CTDP1: variants seen among roughly 807,000 people sequenced by gnomAD.
CTDP1 encodes the protein CTD phosphatase 1, also known as RNA polymerase II subunit A C-terminal domain phosphatase.
In CTDP1, 47 loss-of-function variants were observed where a neutral mutation model predicts 91.8. The observed-to-expected ratio is 0.51, with a 90% CI of 0.41 to 0.65. The LOEUF (loss-of-function observed/expected upper bound fraction) is 0.65. Among genes scored for constraint, CTDP1 ranks in the 30% least tolerant of loss-of-function variants. The pLI is 0.00. For missense variants in CTDP1, 1,272 were observed against 1,373.7 expected, an observed-to-expected ratio of 0.93 and a Z score of 1.17; for synonymous variants, 656 against 598.5, an observed-to-expected ratio of 1.10 and a Z score of -1.40.
chr18:79,751,675 A>G (rs748392365), intron 12 of CTDP1, among the ~76,000 whole-genome samples: 1 of 152,176 alleles, frequency 6.6e-6, no homozygotes, highest in Non-Finnish European at 1.5e-5. Context: ...CCTCGAGTGC[A>G]TGTGTGTTAC....
In CTDP1 at chr18:79,679,933, C is replaced by T. The variant is rs768356718; in HGVS notation, c.-15C>T. 5 of 1,383,202 alleles carry T rather than the reference C, an allele frequency of 3.6e-6. No individual in the cohort carries two copies. The highest frequency in any genetic ancestry group is 1.4e-5 in the South Asian group (1 of 69,304). The allele number at this position is 1,383,202 out of a possible 1,614,324, so 85.7% of individuals were successfully genotyped here. A position where few individuals can be genotyped will look rare whatever the true frequency, so the allele number is the denominator to read the frequency against. On this transcript the variant is annotated 5_prime_UTR_variant, in exon 1 of 13. Transcript: ENST00000613122. ...GCAGGCCCCGTACCGACCGCCCGCC[C>T]GCCCTCTGTCCGCGATGGAGGTGCC...
intron 4 of CTDP1, 43 bp from the exon 5 acceptor site, chr18:79,704,724 T>G: frequency 6.2e-7 from 1 of 1,610,874 alleles, no homozygotes; most frequent in Non-Finnish European, 8.5e-7. Context: ...CGGCCGGGGC[T>G]CCTCAGGCCT....
Position 79,753,794 on chromosome 18 carries a change from C to T in CTDP1, c.*4C>T, listed in dbSNP as rs1019903569. The T allele has an allele frequency of 3.7e-6, 6 of 1,612,170 alleles. No individual in the cohort carries two copies. Among genetic ancestry groups the T allele is most frequent in the Admixed American group, 1.7e-5 (1 of 59,950 alleles). On this transcript the variant is annotated 3_prime_UTR_variant, in exon 13 of 13. Coordinates refer to ENST00000613122, the MANE Select transcript of CTDP1 (RefSeq NM_004715.5). Reference sequence around the variant, plus strand: ...GGAGCTCAACGACCTCATGTGAGCGCGGGCAGCGGGCAGGGACTGAAGCCT... The same window carrying T: ...GGAGCTCAACGACCTCATGTGAGCGTGGGCAGCGGGCAGGGACTGAAGCCT...
chr18:79,749,319 G>GGCCCGT (rs1394172990), intron 12 of CTDP1, among the ~76,000 whole-genome samples: 4 of 151,848 alleles, frequency 2.6e-5, no homozygotes, highest in African/African-American at 9.7e-5. Flanking sequence ...TTTCGGTCGG[G>GGCCCGT]GCCCCTGCCC....
intron 3 of CTDP1, among the ~76,000 whole-genome samples, chr18:79,696,500 G>T (rs2085750323): frequency 6.6e-6 from 1 of 152,118 alleles, no homozygotes; most frequent in African/African-American, 2.4e-5. Flanking sequence ...GCAGATAATG[G>T]CGAGGAGTCG....
intron 3 of CTDP1, among the ~76,000 whole-genome samples, chr18:79,696,995 T>C (rs2085761706): frequency 6.6e-6 from 1 of 152,256 alleles, no homozygotes; most frequent in South Asian, 2.1e-4. Flanking sequence ...TTTTAAATGA[T>C]GGACACCAAT....
chr18:79,739,732 G>A (rs887148668), intron 12 of CTDP1, among the ~76,000 whole-genome samples: 3 of 152,198 alleles, frequency 2.0e-5, no homozygotes, highest in Non-Finnish European at 4.4e-5. Context: ...AAGTGTCCTG[G>A]GAGTCTGTTC....
intron 12 of CTDP1, among the ~76,000 whole-genome samples, chr18:79,748,416 G>A (rs2086923148): frequency 6.6e-6 from 1 of 152,198 alleles, no homozygotes; most frequent in African/African-American, 2.4e-5. Flanking sequence ...GCCCCAGCCC[G>A]GGCTCTGTGA....
rs199774811 is a variant in CTDP1, at chr18:79,717,521, C to T, written c.2069-14C>T. 256 of 1,612,082 alleles carry T rather than the reference C, an allele frequency of 1.6e-4. No homozygotes were observed. The African/African-American group carries it at 2.9e-3, about 19-fold the overall frequency. On this transcript the variant is annotated splice_polypyrimidine_tract_variant and intron_variant, in intron 8 of 12. Coordinates refer to ENST00000613122, the MANE Select transcript of CTDP1 (RefSeq NM_004715.5). The stretch of plus-strand genomic sequence containing the variant: ...GCTGGCCGGAACAGCCTGACGCAGC[C>T]GGGTCTCCTGCAGGCACAGAGAAGG...
In CTDP1 at chr18:79,705,620, G is replaced by A. The variant is rs559245791; in HGVS notation, c.772+703G>A. 4.3e-3 allele frequency among the ~76,000 whole-genome samples: 657 copies of A among 152,114 alleles called. 22 individuals carry two copies. The highest frequency in any genetic ancestry group is 0.04 in the Admixed American group (609 of 15,280). On this transcript the variant is annotated intron_variant, in intron 5 of 12. Transcript: ENST00000613122. ...CGACCGTCTGTCCCACGTGGACAAA[G>A]CGAGGGGGCTGCCACGGGACGGCGA... is the stretch of plus-strand genomic sequence containing the variant.
rs569637164 is a variant in CTDP1, at chr18:79,681,487, T to G, written c.314+1226T>G. 2.6e-5 allele frequency: 26 copies of G among 985,402 alleles called. No individual in the cohort carries two copies. In the South Asian group the frequency reaches 1.2e-3, roughly 46 times the overall value. 61.0% of individuals were successfully genotyped at this position (985,402 alleles called of 1,614,324 possible). ...TGAGGTTTCATTCTGTTCCTCTGATTGTACAGAAAGGGCTGCTTTGGCCTA... is the reference window on the plus strand; with the variant it reads ...TGAGGTTTCATTCTGTTCCTCTGATGGTACAGAAAGGGCTGCTTTGGCCTA... On this transcript the variant is annotated intron_variant, in intron 1 of 12. Coordinates refer to ENST00000613122, the MANE Select transcript of CTDP1 (RefSeq NM_004715.5).
rs145081465 is a variant in CTDP1, at chr18:79,751,773, C to CTG, written c.2748-1866_2748-1865dup. ...CGAGTGCATGTGTGTTATATGCCTG[C>CTG]TGTGTGTGTGTGTGGCTGTATCACA... On this transcript the variant is annotated intron_variant, in intron 12 of 12. Transcript: ENST00000613122. 2.7e-4 allele frequency among the ~76,000 whole-genome samples: 41 copies of CTG among 151,582 alleles called. No individual in the cohort carries two copies. The South Asian group carries it at 3.7e-3, about 14-fold the overall frequency.
intron 5 of CTDP1, among the ~76,000 whole-genome samples, chr18:79,707,198 A>G (rs2085984054): frequency 1.3e-5 from 2 of 152,006 alleles, no homozygotes; most frequent in African/African-American, 4.8e-5. Flanking sequence ...GCCGGGCTAC[A>G]CCCTTGCCAC....
chr18:79,696,750 A>G (rs2122500202), intron 3 of CTDP1, among the ~76,000 whole-genome samples: 1 of 152,280 alleles, frequency 6.6e-6, no homozygotes, highest in African/African-American at 2.4e-5. Context: ...TTTATCTTCG[A>G]GTGCTACGCC....
At chr18:79,720,524 ACCAC>A (rs2086322274) in intron 10 of CTDP1, among the ~76,000 whole-genome samples, 1 of 130,518 alleles carries the variant, frequency 7.7e-6, no homozygotes, top group Non-Finnish European at 1.6e-5. Flanking sequence ...TGATGATGTC[ACCAC>A]CCGTCATTAG....
At chr18:79,733,179 G>A (rs561538011) in intron 11 of CTDP1, among the ~76,000 whole-genome samples, 1 of 152,256 alleles carries the variant, frequency 6.6e-6, no homozygotes, top group Non-Finnish European at 1.5e-5. Flanking sequence ...CACAGGACGG[G>A]TGTGCGTTTG....
intron 12 of CTDP1, among the ~76,000 whole-genome samples, chr18:79,748,886 CTGTGTGTTTGCCG>C (rs2086936142): frequency 6.6e-6 from 1 of 151,380 alleles, no homozygotes; most frequent in Non-Finnish European, 1.5e-5. Flanking sequence ...TTTGCCGTGT[CTGTGTGTTTGCCG>C]TGTCTGTGTG....
At chr18:79,708,037 A>G (rs142523746) in intron 5 of CTDP1, among the ~76,000 whole-genome samples, 125 of 152,356 alleles carry the variant, frequency 8.2e-4, no homozygotes, top group Middle Eastern at 6.8e-3. Context: ...ATAGTGAGAA[A>G]CAATCGCATT....
At chr18:79,731,250 G>A (rs556318981) in intron 11 of CTDP1, among the ~76,000 whole-genome samples, 1 of 152,344 alleles carries the variant, frequency 6.6e-6, no homozygotes, top group South Asian at 2.1e-4. Flanking sequence ...GGGCCTTTGA[G>A]TGAGGGGTGT....
Sources: allele counts gnomAD v4.1 joint callset (sites outside exome capture counted in the v4.1 genomes callset), GRCh38; gene constraint gnomAD v4.1.1; transcripts MANE v1.5; gene names NCBI Gene and HGNC (gene_info 2026-07-23, HGNC 2026-07-21).